Variants in DHRS7B observed in about 807,000 individuals in gnomAD.
DHRS7B encodes dehydrogenase/reductase 7B, also known as peroxisomal reductase activating PPAR-gamma.
A neutral mutation model predicts 26.4 loss-of-function variants in DHRS7B; 24 were observed. The observed-to-expected ratio is 0.91, with a 90% CI of 0.66 to 1.28. The LOEUF (loss-of-function observed/expected upper bound fraction) is 1.28. Ranked by LOEUF, DHRS7B falls within the 50% of genes most tolerant of loss-of-function variation. DHRS7B has a pLI of 0.00. For synonymous variants in DHRS7B, 142 were observed against 166.4 expected (o/e 0.85, Z 1.13); for missense variants, 368 against 419.4 (o/e 0.88, Z 1.07).
At chr17:21,140,540 CCT>C (rs1973484245) in intron 1 of DHRS7B, among the ~76,000 whole-genome samples, 1 of 45,516 alleles carries the variant, frequency 2.2e-5, no homozygotes, top group South Asian at 7.3e-4. Context: ...ACACACACAC[CCT>C]GACACCCTAT....
intron 1 of DHRS7B, among the ~76,000 whole-genome samples, chr17:21,170,875 G>A (rs1433990003): frequency 6.6e-6 from 1 of 151,296 alleles, no homozygotes; most frequent in East Asian, 1.9e-4. Flanking sequence ...TTTTTTATAT[G>A]TGGGCTTGAG....
In DHRS7B at chr17:21,145,053, G is replaced by A. The variant is rs796239429; in HGVS notation, c.20+18062G>A. ...AAAAATCAACCTGTAGGCCATGCAC[G>A]GTGGCTCATGCTTGTAATCCCAGCA... On this transcript the variant is annotated intron_variant, in intron 1 of 6. Transcript: ENST00000395511. 3.9e-5 allele frequency among the ~76,000 whole-genome samples: 6 copies of A among 152,148 alleles called. No individual in the cohort carries two copies. In the East Asian group the frequency reaches 5.8e-4, roughly 15 times the overall value.
chr17:21,176,400 AC>A (rs1332900180), intron 2 of DHRS7B, among the ~76,000 whole-genome samples: 2 of 152,046 alleles, frequency 1.3e-5, no homozygotes, highest in Non-Finnish European at 2.9e-5. Flanking sequence ...CAGGAATTTG[AC>A]ACCAGCCTGG....
At chr17:21,129,768 T>C (rs905493750) in intron 1 of DHRS7B, among the ~76,000 whole-genome samples, 5 of 150,762 alleles carry the variant, frequency 3.3e-5, no homozygotes, top group African/African-American at 1.2e-4. Flanking sequence ...GAATGTATTA[T>C]GGATAATATG....
chr17:21,175,020 C>T (rs1356616790), intron 2 of DHRS7B, among the ~76,000 whole-genome samples: 2 of 152,182 alleles, frequency 1.3e-5, no homozygotes, highest in South Asian at 2.1e-4. Flanking sequence ...GATGAGCCAA[C>T]GAACACACCA....
chr17:21,158,412 G>A (rs563972666), intron 1 of DHRS7B, among the ~76,000 whole-genome samples: 16 of 152,158 alleles, frequency 1.1e-4, no homozygotes, highest in Admixed American at 2.0e-4. Context: ...ACTAAGCAAA[G>A]TTGCAGGATA....
At chr17:21,150,265 A>G (rs1186226598) in intron 1 of DHRS7B, among the ~76,000 whole-genome samples, 1 of 152,122 alleles carries the variant, frequency 6.6e-6, no homozygotes, top group Admixed American at 6.5e-5. Context: ...GGATGAAATT[A>G]TTAAAAACAA....
chr17:21,139,839 G>A (rs991928225), intron 1 of DHRS7B, among the ~76,000 whole-genome samples: 2 of 151,842 alleles, frequency 1.3e-5, no homozygotes, highest in Admixed American at 6.6e-5. Flanking sequence ...AAGCATTTGA[G>A]TAGTCTTTTT....
chr17:21,187,112 T>TATATATATATATAA (rs1283365408), intron 5 of DHRS7B, among the ~76,000 whole-genome samples: 4 of 146,702 alleles, frequency 2.7e-5, no homozygotes, highest in African/African-American at 7.6e-5. Context: ...TATATATATA[T>TATATATATATATAA]AAAATATATA....
chr17:21,129,077 A>G (rs1390986442), intron 1 of DHRS7B, among the ~76,000 whole-genome samples: 1 of 152,188 alleles, frequency 6.6e-6, no homozygotes, highest in Non-Finnish European at 1.5e-5. Flanking sequence ...GGTGTTGTGG[A>G]TACAATGATG....
intron 1 of DHRS7B, among the ~76,000 whole-genome samples, chr17:21,151,827 A>G (rs529948650): frequency 4.6e-5 from 7 of 152,250 alleles, no homozygotes; most frequent in Non-Finnish European, 5.9e-5. Context: ...GTAATCCCCA[A>G]CGTTGGAGAT....
At chr17:21,131,871 C>T (rs535491404) in intron 1 of DHRS7B, among the ~76,000 whole-genome samples, 1 of 152,330 alleles carries the variant, frequency 6.6e-6, no homozygotes, top group African/African-American at 2.4e-5. Context: ...TTGGATACTA[C>T]TACATTAAGA....
At chr17:21,129,473 A>G (rs1366451255) in intron 1 of DHRS7B, among the ~76,000 whole-genome samples, 1 of 152,074 alleles carries the variant, frequency 6.6e-6, no homozygotes, top group Non-Finnish European at 1.5e-5. Flanking sequence ...TGGGAGGCTG[A>G]GGTGGGAGGA....
At chr17:21,171,700 G>A in intron 1 of DHRS7B, 1 of 466,188 alleles carries the variant, frequency 2.1e-6, no homozygotes, top group South Asian at 2.1e-5. Context: ...AGGCAGGTGA[G>A]TACTGACACA....
At chr17:21,176,310 C>G (rs1974377822) in intron 2 of DHRS7B, among the ~76,000 whole-genome samples, 1 of 151,884 alleles carries the variant, frequency 6.6e-6, no homozygotes, top group African/African-American at 2.4e-5. Flanking sequence ...CAAAGTAGTT[C>G]AGAAATATGG....
chr17:21,178,346 A>T lies in DHRS7B; in HGVS notation c.309+4A>T. 6.2e-7 allele frequency: 1 copy of T among 1,613,012 alleles called. No homozygotes were observed. Among genetic ancestry groups the T allele is most frequent in the Non-Finnish European group, 8.5e-7 (1 of 1,179,392 alleles). On this transcript the variant is annotated splice_donor_region_variant and intron_variant, in intron 3 of 6. Transcript: ENST00000395511. Reference sequence around the variant, plus strand: ...CACCGCTTCTCATGCCACCAAGGTGAGCCAGGGGCGTGCTTTCCATGGGGA... The same window carrying T: ...CACCGCTTCTCATGCCACCAAGGTGTGCCAGGGGCGTGCTTTCCATGGGGA...
intron 1 of DHRS7B, among the ~76,000 whole-genome samples, chr17:21,133,252 G>A (rs190884001): frequency 2.9e-3 from 435 of 152,358 alleles, no homozygotes; most frequent in African/African-American, 9.8e-3. Context: ...TGCCAAGGTT[G>A]AGGATGTGCC....
At chr17:21,190,915 G>C in intron 6 of DHRS7B, 33 bp from the exon 7 acceptor site, 1 of 1,610,458 alleles carries the variant, frequency 6.2e-7, no homozygotes, top group Non-Finnish European at 8.5e-7. Context: ...CTGCTTCCAA[G>C]TTCATGTGTT....
intron 1 of DHRS7B, among the ~76,000 whole-genome samples, chr17:21,131,783 T>C (rs1973235291): frequency 6.6e-6 from 1 of 152,206 alleles, no homozygotes; most frequent in South Asian, 2.1e-4. Flanking sequence ...TAAGGCTATG[T>C]TTGTACTAGG....
Sources: allele counts gnomAD v4.1 joint callset (sites outside exome capture counted in the v4.1 genomes callset), GRCh38; gene constraint gnomAD v4.1.1; transcripts MANE v1.5; gene names NCBI Gene and HGNC (gene_info 2026-07-23, HGNC 2026-07-21).